The following DKC1 variants were observed in gnomAD, a reference collection of about 807,000 sequenced individuals.
DKC1 encodes the protein H/ACA ribonucleoprotein complex subunit DKC1.
DKC1 carries 4 observed loss-of-function variants against 46.7 expected under a neutral mutation model. That is an observed-to-expected ratio of 0.09 (90% CI 0.04 to 0.20). The LOEUF is 0.20. Among genes scored for constraint, DKC1 ranks in the 10% least tolerant of loss-of-function variants. The probability of loss-of-function intolerance (pLI) is 1.00; values close to 1 mark genes in which losing one functional copy is unlikely to be tolerated. For synonymous variants in DKC1, 141 were observed against 142.4 expected, an observed-to-expected ratio of 0.99 and a Z score of 0.07; for missense variants, 171 against 404.2, an observed-to-expected ratio of 0.42 and a Z score of 4.95.
At chrX:154,767,189 G>T (rs1569558511) in intron 6 of DKC1, 67 bp from the exon 7 acceptor site, 7 of 1,200,522 alleles carry the variant, frequency 5.8e-6, no homozygotes, top group Admixed American at 2.2e-5. Context: ...GCTGCAGCCA[G>T]CCTGGACCAG....
intron 7 of DKC1, 101 bp downstream of exon 7, chrX:154,767,483 G>C: frequency 2.0e-6 from 2 of 985,946 alleles, no homozygotes; most frequent in African/African-American, 3.7e-5. Context: ...TCTAAAACCT[G>C]CCCTACAGCT....
intron 11 of DKC1, among the ~76,000 whole-genome samples, chrX:154,773,889 C>T (rs782176434): frequency 2.7e-5 from 3 of 111,608 alleles, no homozygotes; most frequent in South Asian, 3.7e-4. Context: ...CGGGCAGAGG[C>T]GCCCCTCACC....
At chrX:154,769,042 G>T in intron 8 of DKC1, 125 bp from the exon 9 acceptor site, 3 of 491,668 alleles carry the variant, frequency 6.1e-6, no homozygotes, top group Non-Finnish European at 7.2e-6. Context: ...AGCCAGGACT[G>T]AAGAGGCTGA....
chrX:154,769,425 A>G (rs2071793832), intron 9 of DKC1, 115 bp downstream of exon 9: 2 of 873,128 alleles, frequency 2.3e-6, no homozygotes, highest in African/African-American at 2.0e-5. Flanking sequence ...CAAACCAAGT[A>G]TATTAATTTA....
chrX:154,777,112 G>C lies in DKC1; in HGVS notation c.*245G>C, dbSNP rs782760781. 4.2e-5 allele frequency: 13 copies of C among 311,202 alleles called. No homozygotes were observed. Among genetic ancestry groups the C allele is most frequent in the South Asian group, 1.2e-4 (3 of 25,583 alleles). 25.6% of individuals were successfully genotyped at this position (311,202 alleles called of 1,213,427 possible). On this transcript the variant is annotated 3_prime_UTR_variant, in exon 15 of 15. Transcript: ENST00000369550. Reference sequence around the variant, plus strand: ...GTTTATCCCAATGACTTCTCTGTTTGAGTTGGGAAGCCTCACCTTCAGACC... The same window carrying C: ...GTTTATCCCAATGACTTCTCTGTTTCAGTTGGGAAGCCTCACCTTCAGACC...
Position 154,767,242 on chromosome X carries a change from G to T in DKC1, c.514-14G>T, listed in dbSNP as rs782765692. ...TCTGATGAGGTGTTTGTTTTCATTT[G>T]TGTTTGTTCTTAGGCCCTAGAAACT... is the stretch of plus-strand genomic sequence containing the variant. On this transcript the variant is annotated splice_polypyrimidine_tract_variant and intron_variant, in intron 6 of 14. Transcript: ENST00000369550. 1.7e-6 allele frequency: 2 copies of T among 1,210,003 alleles called. No individual in the cohort carries two copies. The highest frequency in any genetic ancestry group is 1.7e-5 in the African/African-American group (1 of 57,145).
intron 10 of DKC1, among the ~76,000 whole-genome samples, chrX:154,772,863 G>A (rs1390769620): frequency 8.9e-6 from 1 of 111,833 alleles, no homozygotes; most frequent in Non-Finnish European, 1.9e-5. Context: ...TCTTATAGAC[G>A]TCTTGAGCTG....
Position 154,770,935 on chromosome X carries a change from G to C in DKC1, c.1036+56G>C, listed in dbSNP as rs2071816274. 20 of 1,145,301 alleles carry C rather than the reference G, an allele frequency of 1.7e-5. No individual in the cohort carries two copies. In the South Asian group the frequency reaches 2.3e-4, roughly 13 times the overall value. The allele number at this position is 1,145,301 out of a possible 1,213,427, so 94.4% of individuals were successfully genotyped here. A position where few individuals can be genotyped will look rare whatever the true frequency, so the allele number is the denominator to read the frequency against. On this transcript the variant is annotated intron_variant, in intron 10 of 14. Transcript: ENST00000369550. ...AAATGTTTGTGGTTACATACTAGGTGTATATATTTATGGGGTTCATGAGAT... is the reference window on the plus strand; with the variant it reads ...AAATGTTTGTGGTTACATACTAGGTCTATATATTTATGGGGTTCATGAGAT...
At chrX:154,774,578 G>A (rs985661584) in intron 11 of DKC1, 24 bp from the exon 12 acceptor site, 4 of 1,184,080 alleles carry the variant, frequency 3.4e-6, no homozygotes, top group Non-Finnish European at 4.6e-6. Context: ...CCATTCTAAT[G>A]TTGACACCTT....
At chrX:154,772,753 CTG>C (rs1428081118) in intron 10 of DKC1, among the ~76,000 whole-genome samples, 1 of 112,107 alleles carries the variant, frequency 8.9e-6, no homozygotes, top group African/African-American at 3.2e-5. Flanking sequence ...TTCCTTAGCT[CTG>C]TGAGCAGGCA....
intron 1 of DKC1, 25 bp from the exon 2 acceptor site, chrX:154,764,874 C>A: frequency 8.6e-7 from 1 of 1,156,170 alleles, no homozygotes; most frequent in Non-Finnish European, 1.2e-6. Flanking sequence ...GGGAAAATTC[C>A]CAAATCCTGT....
chrX:154,776,414 C>G lies in DKC1; in HGVS notation c.1476+90C>G, dbSNP rs1220507358. ...AGGTGGTACCAGCTTTGTTACTCTT[C>G]TTGGAGGAGCTGTGGCCTGGGGGTG... On this transcript the variant is annotated intron_variant, in intron 14 of 14. Transcript: ENST00000369550. The G allele has an allele frequency of 5.5e-6, 6 of 1,100,503 alleles. No individual in the cohort carries two copies. In the Admixed American group the frequency reaches 1.3e-4, roughly 24 times the overall value. 90.7% of individuals were successfully genotyped at this position (1,100,503 alleles called of 1,213,427 possible). A position where few individuals can be genotyped will look rare whatever the true frequency, so the allele number is the denominator to read the frequency against.
At chrX:154,766,625 C>A in intron 5 of DKC1, 1 of 443,813 alleles carries the variant, frequency 2.3e-6, no homozygotes, top group Middle Eastern at 6.2e-4. Flanking sequence ...CTGACTGGAT[C>A]CATTTGTCCG....
chrX:154,775,232 A>G lies in DKC1; in HGVS notation c.1297A>G (p.Lys433Glu). 8.3e-7 allele frequency: 1 copy of G among 1,211,900 alleles called. No individual in the cohort carries two copies. Among genetic ancestry groups the G allele is most frequent in the Non-Finnish European group, 1.1e-6 (1 of 895,548 alleles). ...AAAAGAGGTGGTTGCTGAAGTGGTA[A>G]AAGCCCCGCAGGTAGTTGCCGAAGC... The part of the protein sequence containing the change: ...AKKEVVAEVV[K>E]APQVVAEAAK... The change falls in exon 13 of 15, where the codon AAA (lysine) becomes GAA (glutamate). Residue 433 changes from lysine (K) to glutamate (E), a missense_variant. Physicochemically the swap from Lys to Glu is moderately conservative, Grantham distance 56. This residue lies in a region of DKC1 where 54 missense variants were observed against 64.4 expected (regional missense o/e 0.84). Coordinates refer to ENST00000369550, the MANE Select transcript of DKC1 (RefSeq NM_001363.5).
intron 1 of DKC1, 86 bp from the exon 2 acceptor site, chrX:154,764,813 A>G (rs1244642449): frequency 1.8e-5 from 12 of 683,766 alleles, no homozygotes; most frequent in Non-Finnish European, 2.9e-5. Flanking sequence ...TCCATTTCCT[A>G]CCTGCCCTAA....
intron 10 of DKC1, among the ~76,000 whole-genome samples, chrX:154,771,187 G>GGT (rs2071820394): frequency 1.6e-5 from 1 of 64,480 alleles, no homozygotes; most frequent in African/African-American, 6.4e-5. Context: ...TGGTGGTGGT[G>GGT]TTTTTTTTTT....
chrX:154,772,694 A>G (rs2071839293), intron 10 of DKC1, among the ~76,000 whole-genome samples: 2 of 112,127 alleles, frequency 1.8e-5, no homozygotes, highest in African/African-American at 3.2e-5. Context: ...CCTTAGAGCT[A>G]TTCATTTAAT....
chrX:154,765,279 C>G (rs2071730989), intron 2 of DKC1, 165 bp from the exon 3 acceptor site: 13 of 554,926 alleles, frequency 2.3e-5, no homozygotes, highest in South Asian at 4.7e-5. Context: ...CACTTCCCCT[C>G]TGTACTCCTG....
In DKC1 at chrX:154,777,273, A is replaced by G; in HGVS notation, c.*406A>G. On this transcript the variant is annotated 3_prime_UTR_variant, in exon 15 of 15. Coordinates refer to ENST00000369550, the MANE Select transcript of DKC1 (RefSeq NM_001363.5). ...AAGTCTGCTCAGTGAAATGCTGTAG[A>G]ACCCTAAATAAGTGGTAGAAGAGTG... The G allele has an allele frequency of 6.2e-6, 1 of 160,965 alleles. No individual in the cohort carries two copies. The highest frequency in any genetic ancestry group is 3.1e-5 in the African/African-American group (1 of 32,723). 13.3% of individuals were successfully genotyped at this position (160,965 alleles called of 1,213,427 possible).
Sources: gnomAD v4.1 joint callset for allele counts (sites outside exome capture counted in the v4.1 genomes callset) on GRCh38, gnomAD v4.1.1 for gene constraint, gnomAD v4.1.1 regional missense constraint, MANE v1.5 for transcripts, NCBI Gene and HGNC (gene_info 2026-07-23, HGNC 2026-07-21) for gene names.